NKX1-2: variants seen among roughly 807,000 people sequenced by gnomAD.
NKX1-2 encodes NK1 homeobox 2.
In NKX1-2, 1 loss-of-function variant was observed where a neutral mutation model predicts 4.4. The observed-to-expected ratio is 0.23, with a 90% CI of 0.08 to 1.08. The LOEUF (loss-of-function observed/expected upper bound fraction) is 1.08. Among genes scored for constraint, NKX1-2 ranks in the 50% least tolerant of loss-of-function variants. NKX1-2 has a pLI of 0.55. For missense variants in NKX1-2, 503 were observed against 464.6 expected, an observed-to-expected ratio of 1.08 and a Z score of -0.76; for synonymous variants, 235 against 228.0, an observed-to-expected ratio of 1.03 and a Z score of -0.28.
chr10:124,448,231 C>G lies in NKX1-2; in HGVS notation c.215-84G>C. 2 of 1,349,654 alleles carry G rather than the reference C, an allele frequency of 1.5e-6. No individual in the cohort carries two copies. The highest frequency in any genetic ancestry group is 1.9e-6 in the Non-Finnish European group (2 of 1,055,132). 83.6% of individuals were successfully genotyped at this position (1,349,654 alleles called of 1,614,324 possible). A position where few individuals can be genotyped will look rare whatever the true frequency, so the allele number is the denominator to read the frequency against. On this transcript the variant is annotated intron_variant, in intron 1 of 1. Transcript: ENST00000451024. The surrounding 1 kb of genome is among the most constrained non-coding windows in gnomAD (Gnocchi z 4.1). ...TCCTCCCTAGAGCAAGCAGCTGTCC[C>G]CCCAACCCAACTCTGGGTGCTGCTC...
chr10:124,447,675 C>G lies in NKX1-2; in HGVS notation c.687G>C (p.Ala229=). 7.1e-7 allele frequency: 1 copy of G among 1,408,448 alleles called. No homozygotes were observed. Among genetic ancestry groups the G allele is most frequent in the Non-Finnish European group, 9.3e-7 (1 of 1,069,862 alleles). The allele number at this position is 1,408,448 out of a possible 1,614,324, so 87.2% of individuals were successfully genotyped here. A position where few individuals can be genotyped will look rare whatever the true frequency, so the allele number is the denominator to read the frequency against. ...GCTGGGGCGCGCCACCCCCCACCTG[C>G]GCCGCGCCGTCGGCACCCGGGTTCT... The part of the protein sequence containing the change: ...KKQNPGADGA[A]QVGGGAPQPG... Residue 229 remains alanine, a synonymous_variant, in exon 2 of 2, where the codon GCG becomes GCC. Transcript: ENST00000451024.
chr10:124,447,591 G>A lies in NKX1-2; in HGVS notation c.771C>T (p.Gly257=). 2 of 1,270,954 alleles carry A rather than the reference G, an allele frequency of 1.6e-6. No individual in the cohort carries two copies. Among genetic ancestry groups the A allele is most frequent in the Non-Finnish European group, 9.9e-7 (1 of 1,007,458 alleles). The allele number at this position is 1,270,954 out of a possible 1,614,324, so 78.7% of individuals were successfully genotyped here. ...GGSGGSPGPP[G]TGALHFQTFP... Reference sequence around the variant, plus strand: ...AAGTCTGGAAGTGCAGAGCGCCGGTGCCGGGAGGGCCAGGACTGCCCCCCG... The same window carrying A: ...AAGTCTGGAAGTGCAGAGCGCCGGTACCGGGAGGGCCAGGACTGCCCCCCG... Residue 257 remains glycine (G), a synonymous_variant, in exon 2 of 2, where the codon GGC becomes GGT. Coordinates refer to ENST00000451024, the MANE Select transcript of NKX1-2 (RefSeq NM_001146340.3).
chr10:124,447,867 G>C lies in NKX1-2; in HGVS notation c.495C>G (p.Arg165=). Residue 165 remains arginine (R), a synonymous_variant, in exon 2 of 2, where the codon CGC becomes CGG. Transcript: ENST00000451024. ...GCTCGTAGGTGAAGGCGGTGCGCGC[G>C]CGCCGCGGCTTGGCGCAGTTGGGCT... The part of the protein sequence containing the change: ...RLEPNCAKPR[R]ARTAFTYEQL... 6.9e-7 allele frequency: 1 copy of C among 1,448,424 alleles called. No homozygotes were observed. Among genetic ancestry groups the C allele is most frequent in the Non-Finnish European group, 9.2e-7 (1 of 1,092,206 alleles). 89.7% of individuals were successfully genotyped at this position (1,448,424 alleles called of 1,614,324 possible).
rs528907666 is a variant in NKX1-2, at chr10:124,447,291, G to A, written c.*138C>T. ...CAGATCCCTGACCCCTTGGTGGCCC[G>A]CGAGGATCGCGGGTGCGCGCGGCGG... On this transcript the variant is annotated 3_prime_UTR_variant, in exon 2 of 2. Coordinates refer to ENST00000451024, the MANE Select transcript of NKX1-2 (RefSeq NM_001146340.3). 6.8e-6 allele frequency: 4 copies of A among 590,004 alleles called. No homozygotes were observed. The highest frequency in any genetic ancestry group is 1.9e-5 in the African/African-American group (1 of 51,874). 36.5% of individuals were successfully genotyped at this position (590,004 alleles called of 1,614,324 possible).
In NKX1-2 at chr10:124,447,226, C is replaced by T. The variant is rs78951983; in HGVS notation, c.*203G>A. 1.3e-5 allele frequency: 5 copies of T among 398,702 alleles called. No individual in the cohort carries two copies. Among genetic ancestry groups the T allele is most frequent in the Non-Finnish European group, 2.2e-5 (5 of 226,524 alleles). The allele number at this position is 398,702 out of a possible 1,614,324, so 24.7% of individuals were successfully genotyped here. ...ACAGCAAGGTCCAGAAACGGCAAGGCTTGAGGTCAGCCTCCGTCCCCGGAC... is the reference window on the plus strand; with the variant it reads ...ACAGCAAGGTCCAGAAACGGCAAGGTTTGAGGTCAGCCTCCGTCCCCGGAC... On this transcript the variant is annotated 3_prime_UTR_variant, in exon 2 of 2. Coordinates refer to ENST00000451024, the MANE Select transcript of NKX1-2 (RefSeq NM_001146340.3).
Position 124,447,003 on chromosome 10 carries a change from G to C in NKX1-2, c.*426C>G, listed in dbSNP as rs541078824. 1 of 156,844 alleles carries C rather than the reference G, an allele frequency of 6.4e-6. No individual in the cohort carries two copies. The highest frequency in any genetic ancestry group is 2.1e-4 in the South Asian group (1 of 4,862). The allele number at this position is 156,844 out of a possible 1,614,324, so 9.7% of individuals were successfully genotyped here. ...CCATCGAGCACGAGGAGGGGAAGCT[G>C]TCAGTTGTGAACAGAGACTGTTTCT... On this transcript the variant is annotated 3_prime_UTR_variant, in exon 2 of 2. Coordinates refer to ENST00000451024, the MANE Select transcript of NKX1-2 (RefSeq NM_001146340.3).
Position 124,449,645 on chromosome 10 carries a change from C to CCTTA in NKX1-2, c.214+84_214+85insTAAG. The CCTTA allele has an allele frequency of 9.9e-7, 1 of 1,012,640 alleles. No homozygotes were observed. Among genetic ancestry groups the CCTTA allele is most frequent in the Non-Finnish European group, 1.5e-6 (1 of 664,650 alleles). The allele number at this position is 1,012,640 out of a possible 1,614,324, so 62.7% of individuals were successfully genotyped here. On this transcript the variant is annotated intron_variant, in intron 1 of 1. Transcript: ENST00000451024. This position sits in a 1 kb window ranked among gnomAD's most constrained non-coding sequence, Gnocchi z 7.5. Reference sequence around the variant, plus strand: ...CTCTGAGGAAGACGCTGTTAAGGGCCACTCACCGGGCCCGGCTGTTCCCCC... The same window carrying CCTTA: ...CTCTGAGGAAGACGCTGTTAAGGGCCCTTAACTCACCGGGCCCGGCTGTTCCCCC...
chr10:124,447,392 G>A lies in NKX1-2; in HGVS notation c.*37C>T. ...GGGCACACGACGATGCCAATCCCTC[G>A]TGAATCCCGCGAAAGAGGGGCCAGG... On this transcript the variant is annotated 3_prime_UTR_variant, in exon 2 of 2. Coordinates refer to ENST00000451024, the MANE Select transcript of NKX1-2 (RefSeq NM_001146340.3). The A allele has an allele frequency of 8.1e-7, 1 of 1,233,774 alleles. No homozygotes were observed. The highest frequency in any genetic ancestry group is 1.0e-6 in the Non-Finnish European group (1 of 974,298). 76.4% of individuals were successfully genotyped at this position (1,233,774 alleles called of 1,614,324 possible).
Position 124,447,352 on chromosome 10 carries a change from C to T in NKX1-2, c.*77G>A, listed in dbSNP as rs1419628257. The stretch of plus-strand genomic sequence containing the variant: ...GCTGACACCCGCGCACCTGCACCCC[C>T]GGTGGAGGAGCCGAGGGCACACGAC... On this transcript the variant is annotated 3_prime_UTR_variant, in exon 2 of 2. Coordinates refer to ENST00000451024, the MANE Select transcript of NKX1-2 (RefSeq NM_001146340.3). 3 of 914,766 alleles carry T rather than the reference C, an allele frequency of 3.3e-6. No individual in the cohort carries two copies. Among genetic ancestry groups the T allele is most frequent in the Admixed American group, 4.9e-5 (1 of 20,406 alleles). The allele number at this position is 914,766 out of a possible 1,614,324, so 56.7% of individuals were successfully genotyped here.
chr10:124,449,402 C>A lies in NKX1-2; in HGVS notation c.214+328G>T. The A allele has an allele frequency of 1.7e-6, 1 of 586,760 alleles. No homozygotes were observed. Among genetic ancestry groups the A allele is most frequent in the East Asian group, 3.8e-5 (1 of 26,210 alleles). 36.3% of individuals were successfully genotyped at this position (586,760 alleles called of 1,614,324 possible). On this transcript the variant is annotated intron_variant, in intron 1 of 1. Coordinates refer to ENST00000451024, the MANE Select transcript of NKX1-2 (RefSeq NM_001146340.3). This position sits in a 1 kb window ranked among gnomAD's most constrained non-coding sequence, Gnocchi z 7.5. ...CCAGCCCTTAGCCCAGGTCCTAGCA[C>A]GTGGCAAGCGCATTAAATGCCCGAT...
chr10:124,447,402 C>T lies in NKX1-2; in HGVS notation c.*27G>A, dbSNP rs539386468. ...CGATGCCAATCCCTCGTGAATCCCG[C>T]GAAAGAGGGGCCAGGGGGCTCCGGA... On this transcript the variant is annotated 3_prime_UTR_variant, in exon 2 of 2. Transcript: ENST00000451024. 2.4e-6 allele frequency: 3 copies of T among 1,242,168 alleles called. No homozygotes were observed. Among genetic ancestry groups the T allele is most frequent in the East Asian group, 3.2e-5 (1 of 31,670 alleles). 76.9% of individuals were successfully genotyped at this position (1,242,168 alleles called of 1,614,324 possible).
At position 124,447,169 on chromosome 10, in the gene NKX1-2, C is replaced by T; in HGVS notation, c.*260G>A. 1 of 353,854 alleles carries T rather than the reference C, an allele frequency of 2.8e-6. No homozygotes were observed. Among genetic ancestry groups the T allele is most frequent in the Non-Finnish European group, 5.1e-6 (1 of 197,738 alleles). The allele number at this position is 353,854 out of a possible 1,614,324, so 21.9% of individuals were successfully genotyped here. ...AACACCCAGACCCTCAAAAACTAGCCCCTGAACTGAATTAAACCTGACCCA... is the reference window on the plus strand; with the variant it reads ...AACACCCAGACCCTCAAAAACTAGCTCCTGAACTGAATTAAACCTGACCCA... On this transcript the variant is annotated 3_prime_UTR_variant, in exon 2 of 2. Transcript: ENST00000451024.
At position 124,447,552 on chromosome 10, in the gene NKX1-2, G is replaced by C. The variant is rs1022180625; in HGVS notation, c.810C>G (p.Ser270=). Residue 270 remains serine (S), a synonymous_variant, in exon 2 of 2, where the codon TCC becomes TCG. Transcript: ENST00000451024. ...CGGACGGGAAGAGGACATTGGCCGC[G>C]GAGTAGGAGGGGAAAGTCTGGAAGT... is the stretch of plus-strand genomic sequence containing the variant. ...ALHFQTFPSY[S]AANVLFPSAA... The C allele has an allele frequency of 7.8e-7, 1 of 1,274,224 alleles. No homozygotes were observed. The highest frequency in any genetic ancestry group is 9.9e-7 in the Non-Finnish European group (1 of 1,007,270). The allele number at this position is 1,274,224 out of a possible 1,614,324, so 78.9% of individuals were successfully genotyped here. A position where few individuals can be genotyped will look rare whatever the true frequency, so the allele number is the denominator to read the frequency against.
chr10:124,445,716 G>C lies in NKX1-2; in HGVS notation c.*1713C>G, dbSNP rs1272336515. ...CAACTGTCTTTTAGAAAGTTACAAT[G>C]TGTTGTTTGGGGGACATTCTTCTTT... On this transcript the variant is annotated 3_prime_UTR_variant, in exon 2 of 2. Transcript: ENST00000451024. 6.6e-6 allele frequency: 1 copy of C among 152,170 alleles called. No individual in the cohort carries two copies. Among genetic ancestry groups the C allele is most frequent in the African/African-American group, 2.4e-5 (1 of 41,430 alleles). The allele number at this position is 152,170 out of a possible 1,614,324, so 9.4% of individuals were successfully genotyped here.
In NKX1-2 at chr10:124,447,423, C is replaced by T. The variant is rs1952250364; in HGVS notation, c.*6G>A. On this transcript the variant is annotated 3_prime_UTR_variant, in exon 2 of 2. Coordinates refer to ENST00000451024, the MANE Select transcript of NKX1-2 (RefSeq NM_001146340.3). ...CCCGCGAAAGAGGGGCCAGGGGGCTCCGGATTCATAGACGCGGGGCGTAGA... is the reference window on the plus strand; with the variant it reads ...CCCGCGAAAGAGGGGCCAGGGGGCTTCGGATTCATAGACGCGGGGCGTAGA... 5 of 1,251,584 alleles carry T rather than the reference C, an allele frequency of 4.0e-6. No homozygotes were observed. Among genetic ancestry groups the T allele is most frequent in the Non-Finnish European group, 5.0e-6 (5 of 990,100 alleles). 77.5% of individuals were successfully genotyped at this position (1,251,584 alleles called of 1,614,324 possible).
rs1359191742 is a variant in NKX1-2, at chr10:124,447,831, G to C, written c.531C>G (p.Ala177=). Residue 177 remains alanine (A), a synonymous_variant, in exon 2 of 2, where the codon GCC becomes GCG. Coordinates refer to ENST00000451024, the MANE Select transcript of NKX1-2 (RefSeq NM_001146340.3). ...GCGTGGCCCGGAACTTGTTCTCCAA[G>C]GCCACCAGCTGCTCGTAGGTGAAGG... The part of the protein sequence containing the change: ...RTAFTYEQLV[A]LENKFRATRY... 1 of 1,474,480 alleles carries C rather than the reference G, an allele frequency of 6.8e-7. No homozygotes were observed. Among genetic ancestry groups the C allele is most frequent in the South Asian group, 1.3e-5 (1 of 75,688 alleles). The allele number at this position is 1,474,480 out of a possible 1,614,324, so 91.3% of individuals were successfully genotyped here.
Position 124,448,803 on chromosome 10 carries a change from AGGGTGGG to A in NKX1-2, c.215-663_215-657del, listed in dbSNP as rs967254552. 1.3e-5 allele frequency: 2 copies of A among 153,004 alleles called. No individual in the cohort carries two copies. Among genetic ancestry groups the A allele is most frequent in the African/African-American group, 2.4e-5 (1 of 41,426 alleles). The allele number at this position is 153,004 out of a possible 1,614,324, so 9.5% of individuals were successfully genotyped here. A position where few individuals can be genotyped will look rare whatever the true frequency, so the allele number is the denominator to read the frequency against. On this transcript the variant is annotated intron_variant, in intron 1 of 1. Coordinates refer to ENST00000451024, the MANE Select transcript of NKX1-2 (RefSeq NM_001146340.3). This position sits in a 1 kb window ranked among gnomAD's most constrained non-coding sequence, Gnocchi z 4.1. ...CGCCAGTAATAGAATATCGATCACG[AGGGTGGG>A]GGAAGGGAGGGCGGCCCCTCGGAGA...
At position 124,448,497 on chromosome 10, in the gene NKX1-2, T is replaced by G; in HGVS notation, c.215-350A>C. The G allele has an allele frequency of 1.1e-5, 2 of 187,278 alleles. No individual in the cohort carries two copies. The highest frequency in any genetic ancestry group is 2.2e-5 in the Non-Finnish European group (2 of 91,808). 11.6% of individuals were successfully genotyped at this position (187,278 alleles called of 1,614,324 possible). On this transcript the variant is annotated intron_variant, in intron 1 of 1. Transcript: ENST00000451024. The surrounding 1 kb of genome is among the most constrained non-coding windows in gnomAD (Gnocchi z 4.1). ...TGTCAAACGCTTTTAGGGCTGTGCC[T>G]TCCCCAGACCCTAGAAGCCTATTTT...
At position 124,447,669 on chromosome 10, in the gene NKX1-2, C is replaced by G. The variant is rs751225266; in HGVS notation, c.693G>C (p.Val231=). 3.0e-5 allele frequency: 42 copies of G among 1,392,946 alleles called. No individual in the cohort carries two copies. Among genetic ancestry groups the G allele is most frequent in the Middle Eastern group, 3.7e-4 (2 of 5,424 alleles). 86.3% of individuals were successfully genotyped at this position (1,392,946 alleles called of 1,614,324 possible). ...CCCCTGGCTGGGGCGCGCCACCCCC[C>G]ACCTGCGCCGCGCCGTCGGCACCCG... ...QNPGADGAAQ[V]GGGAPQPGAA... Residue 231 remains valine, a synonymous_variant, in exon 2 of 2, where the codon GTG becomes GTC. Transcript: ENST00000451024.
Sources: allele counts gnomAD v4.1 joint callset, GRCh38; gene constraint gnomAD v4.1.1; non-coding constraint Gnocchi (gnomAD v3.1); transcripts MANE v1.5; gene names NCBI Gene and HGNC (gene_info 2026-07-23, HGNC 2026-07-21).